The following NCKAP5 variants were observed in gnomAD, a reference collection of about 807,000 sequenced individuals.
NCKAP5 encodes the protein nck-associated protein 5.
In NCKAP5, 92 loss-of-function variants were observed where a neutral mutation model predicts 167.0. That is an observed-to-expected ratio of 0.55 (90% CI 0.47 to 0.66). The LOEUF (loss-of-function observed/expected upper bound fraction) is 0.66, where lower values mean the gene tolerates loss of function less well. Among genes scored for constraint, NCKAP5 ranks in the 30% least tolerant of loss-of-function variants. The pLI, the probability that NCKAP5 is intolerant of heterozygous loss-of-function variation, is 0.00. For missense variants in NCKAP5, 2,378 were observed against 2,315.0 expected (o/e 1.03, Z -0.56); for synonymous variants, 891 against 877.4 (o/e 1.02, Z -0.27).
intron 5 of NCKAP5, among the ~76,000 whole-genome samples, chr2:133,201,550 A>G (rs1438865633): frequency 6.6e-6 from 1 of 152,176 alleles, no homozygotes; most frequent in Non-Finnish European, 1.5e-5. Flanking sequence ...TTGTTTATGC[A>G]GTGGTGGGTA....
intron 8 of NCKAP5, among the ~76,000 whole-genome samples, chr2:132,946,600 A>G (rs1022606409): frequency 2.6e-5 from 4 of 152,186 alleles, no homozygotes; most frequent in Admixed American, 6.5e-5. Flanking sequence ...TATCACCTTC[A>G]TAAGTTTATA....
chr2:133,204,035 T>A (rs919364435), intron 5 of NCKAP5, among the ~76,000 whole-genome samples: 1 of 152,228 alleles, frequency 6.6e-6, no homozygotes, highest in African/African-American at 2.4e-5. Context: ...CTACTCTCTA[T>A]CTTTTACCTT....
intron 6 of NCKAP5, among the ~76,000 whole-genome samples, chr2:133,114,252 G>A (rs1413488931): frequency 6.6e-6 from 1 of 152,164 alleles, no homozygotes; most frequent in East Asian, 1.9e-4. Flanking sequence ...AGCATGTCTT[G>A]GAGGTATTCT....
chr2:132,687,359 C>T (rs1686081558), intron 19 of NCKAP5, among the ~76,000 whole-genome samples: 1 of 152,092 alleles, frequency 6.6e-6, no homozygotes, highest in South Asian at 2.1e-4. Context: ...AGATCTGGCA[C>T]CAGCTACCAG....
At chr2:133,305,151 A>G (rs1415927549) in intron 3 of NCKAP5, among the ~76,000 whole-genome samples, 5 of 152,186 alleles carry the variant, frequency 3.3e-5, no homozygotes, top group African/African-American at 1.2e-4. Context: ...GTTAGGCAGG[A>G]CCAAATCATG....
At chr2:133,034,533 G>A (rs2078980789) in intron 6 of NCKAP5, among the ~76,000 whole-genome samples, 1 of 151,920 alleles carries the variant, frequency 6.6e-6, no homozygotes, top group Non-Finnish European at 1.5e-5. Flanking sequence ...ACTAAATGAT[G>A]AACTAATAAA....
chr2:133,382,080 C>T (rs1686564457), intron 3 of NCKAP5, among the ~76,000 whole-genome samples: 1 of 152,212 alleles, frequency 6.6e-6, no homozygotes, highest in Non-Finnish European at 1.5e-5. Context: ...TACTCCTCCT[C>T]GTCTGATAGT....
intron 3 of NCKAP5, among the ~76,000 whole-genome samples, chr2:133,392,736 T>C (rs574806718): frequency 6.6e-6 from 1 of 152,288 alleles, no homozygotes; most frequent in South Asian, 2.1e-4. Flanking sequence ...TCCAAGTCCA[T>C]AGTTTCCTTT....
chr2:133,656,570 T>G, the NCKAP5 span, among the ~76,000 whole-genome samples: 692 of 152,260 alleles, frequency 4.5e-3, 5 homozygotes, highest in African/African-American at 0.016. Flanking sequence ...CTAACCCCTC[T>G]CCTCCTGTCC....
At chr2:133,026,880 C>G (rs1314214575) in intron 6 of NCKAP5, among the ~76,000 whole-genome samples, 1 of 152,200 alleles carries the variant, frequency 6.6e-6, no homozygotes, top group East Asian at 1.9e-4. Flanking sequence ...AGCCAGGATT[C>G]AGCGAGACCT....
chr2:133,258,932 C>T (rs908193442), intron 4 of NCKAP5, among the ~76,000 whole-genome samples: 1 of 152,088 alleles, frequency 6.6e-6, no homozygotes, highest in Non-Finnish European at 1.5e-5. Flanking sequence ...TCTACAATAT[C>T]CAACAGAACT....
chr2:133,225,779 CTTTTTT>C (rs1003972708), intron 4 of NCKAP5, among the ~76,000 whole-genome samples: 1 of 39,732 alleles, frequency 2.5e-5, no homozygotes, highest in Admixed American at 3.4e-4. Flanking sequence ...ATGCCCTGTT[CTTTTTT>C]TTTTTTTTTT....
chr2:133,088,372 G>A (rs963925364), intron 6 of NCKAP5, among the ~76,000 whole-genome samples: 5 of 151,982 alleles, frequency 3.3e-5, no homozygotes, highest in East Asian at 1.9e-4. Context: ...TCCCCCGTAC[G>A]TGAAGTACAA....
intron 13 of NCKAP5, among the ~76,000 whole-genome samples, chr2:132,786,882 A>G (rs1683618263): frequency 6.6e-6 from 1 of 152,194 alleles, no homozygotes; most frequent in South Asian, 2.1e-4. Flanking sequence ...ACATGAACCC[A>G]GGCAGTCTGG....
intron 3 of NCKAP5, among the ~76,000 whole-genome samples, chr2:133,372,719 A>ATT (rs1354126294): frequency 2.0e-5 from 3 of 152,188 alleles, no homozygotes; most frequent in Admixed American, 2.0e-4. Flanking sequence ...TAGGACCCAG[A>ATT]TTTCTACCTC....
intron 6 of NCKAP5, among the ~76,000 whole-genome samples, chr2:133,088,050 A>T (rs2081052807): frequency 6.6e-6 from 1 of 152,136 alleles, no homozygotes; most frequent in African/African-American, 2.4e-5. Context: ...CTCCCTTAAC[A>T]TGCCTCCTCT....
intron 3 of NCKAP5, among the ~76,000 whole-genome samples, chr2:133,334,521 G>A (rs1273565316): frequency 6.6e-6 from 1 of 152,082 alleles, no homozygotes; most frequent in Non-Finnish European, 1.5e-5. Flanking sequence ...TTCATAGGTG[G>A]CCATTGGCAA....
intron 3 of NCKAP5, among the ~76,000 whole-genome samples, chr2:133,310,294 T>C (rs1681141831): frequency 6.6e-6 from 1 of 151,896 alleles, no homozygotes; most frequent in Non-Finnish European, 1.5e-5. Context: ...AATTTAGGAG[T>C]CCCAGCTTGA....
chr2:132,805,769 A>G (rs1685385428), intron 11 of NCKAP5, among the ~76,000 whole-genome samples: 1 of 151,788 alleles, frequency 6.6e-6, no homozygotes, highest in Non-Finnish European at 1.5e-5. Context: ...TTAATTCAAT[A>G]TTTTATTTTA....
Sources: allele counts gnomAD v4.1 joint callset (sites outside exome capture counted in the v4.1 genomes callset), GRCh38; gene constraint gnomAD v4.1.1; transcripts MANE v1.5; gene names NCBI Gene and HGNC (gene_info 2026-07-23, HGNC 2026-07-21).